The following AGBL4 variants were observed in gnomAD, a reference collection of about 807,000 sequenced individuals.
AGBL4 encodes AGBL carboxypeptidase 4, also known as cytosolic carboxypeptidase 6.
AGBL4 carries 58 observed loss-of-function variants against 66.4 expected under a neutral mutation model. The ratio of observed to expected loss-of-function variants is 0.87; its 90% CI spans 0.71 to 1.09. AGBL4 has a LOEUF of 1.09. Ranked by LOEUF, AGBL4 falls within the 50% of genes least tolerant of loss-of-function variation. The pLI is 0.00. For synonymous variants in AGBL4, 234 were observed against 222.9 expected, an observed-to-expected ratio of 1.05 and a Z score of -0.44; for missense variants, 579 against 631.0, an observed-to-expected ratio of 0.92 and a Z score of 0.88.
At chr1:49,006,066 C>T (rs149577629) in intron 5 of AGBL4, among the ~76,000 whole-genome samples, 198 of 152,132 alleles carry the variant, frequency 1.3e-3, no homozygotes, top group African/African-American at 3.6e-3. Context: ...CAGCTCCCAG[C>T]GTGAGCGACG....
chr1:49,768,943 G>A (rs1273724674), intron 2 of AGBL4, among the ~76,000 whole-genome samples: 1 of 152,042 alleles, frequency 6.6e-6, no homozygotes, highest in East Asian at 1.9e-4. Flanking sequence ...CCGCCTCCTG[G>A]GTTCAAGCGA....
At chr1:49,569,840 T>C (rs1644290931) in intron 3 of AGBL4, among the ~76,000 whole-genome samples, 1 of 152,180 alleles carries the variant, frequency 6.6e-6, no homozygotes, top group Admixed American at 6.6e-5. Flanking sequence ...TATGATACTT[T>C]CCTTTGTGTG....
At chr1:49,188,773 G>T (rs192581993) in intron 4 of AGBL4, among the ~76,000 whole-genome samples, 4 of 152,222 alleles carry the variant, frequency 2.6e-5, no homozygotes, top group African/African-American at 9.6e-5. Context: ...GTGTGACTTT[G>T]AGCAAGTCTC....
At chr1:50,001,179 TAA>T (rs781772169) in intron 1 of AGBL4, among the ~76,000 whole-genome samples, 219 of 151,084 alleles carry the variant, frequency 1.4e-3, no homozygotes, top group Non-Finnish European at 2.6e-3. Flanking sequence ...ATATGCACAC[TAA>T]GTGTAAAATA....
At chr1:48,577,188 T>G (rs1228358011) in intron 11 of AGBL4, among the ~76,000 whole-genome samples, 1 of 152,236 alleles carries the variant, frequency 6.6e-6, no homozygotes, top group Non-Finnish European at 1.5e-5. Flanking sequence ...TTTCCACTTT[T>G]GGGCTCTTCC....
At chr1:48,992,267 T>C (rs1182626778) in intron 5 of AGBL4, among the ~76,000 whole-genome samples, 1 of 152,182 alleles carries the variant, frequency 6.6e-6, no homozygotes, top group Non-Finnish European at 1.5e-5. Flanking sequence ...ATGTACTGTC[T>C]TGGTGGTCTT....
chr1:48,923,131 T>C (rs1654237596), intron 5 of AGBL4, among the ~76,000 whole-genome samples: 1 of 151,744 alleles, frequency 6.6e-6, no homozygotes. Context: ...TATACATATG[T>C]ATAGAATATT....
At chr1:49,973,946 T>A (rs1460228657) in intron 1 of AGBL4, among the ~76,000 whole-genome samples, 1 of 151,966 alleles carries the variant, frequency 6.6e-6, no homozygotes, top group East Asian at 1.9e-4. Context: ...GTAGGAACGC[T>A]AAAACAAATG....
intron 3 of AGBL4, among the ~76,000 whole-genome samples, chr1:49,331,305 C>G (rs950669065): frequency 1.3e-5 from 2 of 152,146 alleles, no homozygotes; most frequent in Admixed American, 6.5e-5. Context: ...GCGGGCCCCA[C>G]TTCCACGGCA....
In AGBL4 at chr1:48,905,069, C is replaced by T. The variant is rs149811562; in HGVS notation, c.595-37839G>A. Among the ~76,000 whole-genome samples, 69 of 152,246 alleles carry T rather than the reference C, an allele frequency of 4.5e-4. 1 individual carries two copies. In the South Asian group the frequency reaches 9.8e-3, roughly 22 times the overall value. ...CTTCAATCTACCTAAAAAGCTGGTG[C>T]AGAATAGAATAGGAAATTATGAGCC... On this transcript the variant is annotated intron_variant, in intron 5 of 13. Coordinates refer to ENST00000371839, the MANE Select transcript of AGBL4 (RefSeq NM_032785.4).
At chr1:48,645,538 A>G (rs1645821894) in intron 8 of AGBL4, among the ~76,000 whole-genome samples, 1 of 152,212 alleles carries the variant, frequency 6.6e-6, no homozygotes, top group Non-Finnish European at 1.5e-5. Flanking sequence ...TATCAGAAGA[A>G]GCGTGGTCCC....
chr1:48,830,379 C>G (rs1329918353), intron 6 of AGBL4, among the ~76,000 whole-genome samples: 3 of 152,100 alleles, frequency 2.0e-5, no homozygotes, highest in African/African-American at 7.2e-5. Flanking sequence ...TACAAATTGC[C>G]TGAGGTTATA....
chr1:49,941,347 A>C (rs1477447436), intron 1 of AGBL4, among the ~76,000 whole-genome samples: 11 of 152,132 alleles, frequency 7.2e-5, no homozygotes, highest in Admixed American at 7.2e-4. Context: ...TTTTCTCAAG[A>C]ATGTACAGGA....
intron 1 of AGBL4, among the ~76,000 whole-genome samples, chr1:49,853,887 G>A (rs556977435): frequency 6.6e-6 from 1 of 151,990 alleles, no homozygotes; most frequent in South Asian, 2.1e-4. Flanking sequence ...AATAAAAGCT[G>A]AGATAATTTA....
intron 6 of AGBL4, among the ~76,000 whole-genome samples, chr1:48,817,015 G>A (rs977878924): frequency 4.6e-5 from 7 of 152,118 alleles, no homozygotes; most frequent in African/African-American, 1.7e-4. Flanking sequence ...ACCAACATGT[G>A]CAAAAGCCTG....
chr1:48,657,715 C>T (rs76333221), intron 7 of AGBL4, among the ~76,000 whole-genome samples: 2,121 of 152,228 alleles, frequency 0.014, 41 homozygotes, highest in African/African-American at 0.047. Flanking sequence ...CCTGCAACCC[C>T]GAGAGCATCA....
chr1:49,744,302 C>T (rs1650811259), intron 2 of AGBL4, among the ~76,000 whole-genome samples: 1 of 152,060 alleles, frequency 6.6e-6, no homozygotes, highest in Admixed American at 6.6e-5. Context: ...CCCTCTCTCT[C>T]TCTCTCTTGC....
intron 3 of AGBL4, among the ~76,000 whole-genome samples, chr1:49,492,440 G>GAA (rs1647209783): frequency 6.6e-6 from 1 of 151,950 alleles, no homozygotes; most frequent in Admixed American, 6.6e-5. Context: ...AACCCCACTT[G>GAA]ACTGTGGGTA....
chr1:49,772,301 C>G (rs755179185), intron 2 of AGBL4, among the ~76,000 whole-genome samples: 13 of 152,008 alleles, frequency 8.6e-5, no homozygotes, highest in Non-Finnish European at 1.3e-4. Context: ...TAATTTATAT[C>G]TTTATATTTT....
Sources: allele counts gnomAD v4.1 joint callset (sites outside exome capture counted in the v4.1 genomes callset), GRCh38; gene constraint gnomAD v4.1.1; transcripts MANE v1.5; gene names NCBI Gene and HGNC (gene_info 2026-07-23, HGNC 2026-07-21).